The following WBP1L variants were observed in gnomAD, a reference collection of about 807,000 sequenced individuals.
WBP1L encodes the protein WW domain binding protein 1-like.
Under a neutral mutation model 33.7 loss-of-function variants are expected in WBP1L, and 17 were observed. The ratio of observed to expected loss-of-function variants is 0.50; its 90% CI spans 0.34 to 0.76. WBP1L has a LOEUF of 0.76. WBP1L is among the 30% of genes least tolerant of loss of function. The pLI, the probability that WBP1L is intolerant of heterozygous loss-of-function variation, is 0.01. For missense variants in WBP1L, 389 were observed against 469.4 expected (o/e 0.83, Z 1.58); for synonymous variants, 173 against 190.8 (o/e 0.91, Z 0.77).
chr10:102,756,946 G>A (rs540125321), intron 1 of WBP1L, among the ~76,000 whole-genome samples: 1 of 151,980 alleles, frequency 6.6e-6, no homozygotes, highest in South Asian at 2.1e-4. Flanking sequence ...GGAGTGCAGT[G>A]GCACAATCTC....
Position 102,813,372 on chromosome 10 carries a change from A to C in WBP1L, c.*41A>C. The C allele has an allele frequency of 6.4e-7, 1 of 1,556,102 alleles. No individual in the cohort carries two copies. The highest frequency in any genetic ancestry group is 1.4e-5 in the African/African-American group (1 of 73,358). ...CACCCAGCAACTTGGCAAAGCAACC[A>C]GGGTAGGGGAGAACCACGAGAGAAG... On this transcript the variant is annotated 3_prime_UTR_variant, in exon 4 of 4. Transcript: ENST00000448841.
At chr10:102,787,637 A>G (rs1770261417) in intron 1 of WBP1L, among the ~76,000 whole-genome samples, 2 of 152,080 alleles carry the variant, frequency 1.3e-5, no homozygotes, top group Admixed American at 1.3e-4. Flanking sequence ...CATGGGAAGC[A>G]ATAGGCCAGG....
chr10:102,791,625 C>G lies in WBP1L; in HGVS notation c.91-6368C>G, dbSNP rs565165420. ...ACCAGCCTGGGCAACATGAGGAGACCCTGTCTCTATTTAAACAAACAAAAA... is the reference window on the plus strand; with the variant it reads ...ACCAGCCTGGGCAACATGAGGAGACGCTGTCTCTATTTAAACAAACAAAAA... On this transcript the variant is annotated intron_variant, in intron 1 of 3. Coordinates refer to ENST00000448841, the MANE Select transcript of WBP1L (RefSeq NM_001083913.2). Among the ~76,000 whole-genome samples the G allele has an allele frequency of 4.6e-5, 7 of 152,236 alleles. No individual in the cohort carries two copies. The East Asian group carries it at 1.3e-3, about 29-fold the overall frequency.
rs575803887 is a variant in WBP1L at position 102,763,885 on chromosome 10, C to T, written c.90+19742C>T. Among the ~76,000 whole-genome samples the T allele has an allele frequency of 1.9e-4, 29 of 152,304 alleles. No individual in the cohort carries two copies. The South Asian group carries it at 5.6e-3, about 29-fold the overall frequency. ...CTGGAGTGCAGTGGCGCGATCTCGA[C>T]TCACTGCAACCTCTGCCTCCCAGAT... On this transcript the variant is annotated intron_variant, in intron 1 of 3. Coordinates refer to ENST00000448841, the MANE Select transcript of WBP1L (RefSeq NM_001083913.2).
chr10:102,797,108 G>A (rs1236413236), intron 1 of WBP1L, among the ~76,000 whole-genome samples: 1 of 152,206 alleles, frequency 6.6e-6, no homozygotes, highest in Non-Finnish European at 1.5e-5. Context: ...TATCTGAGCA[G>A]TTCGGCCCTT....
In WBP1L at chr10:102,813,260, G is replaced by T. The variant is rs284859; in HGVS notation, c.1021G>T (p.Ala341Ser). 0.18 allele frequency: 290,018 copies of T among 1,612,604 alleles called. 28,355 individuals carry two copies. Among genetic ancestry groups the T allele is most frequent in the Admixed American group, 0.29 (17,181 of 59,936 alleles). The change falls in exon 4 of 4, where the codon GCA (alanine) becomes TCA (serine). Residue 341 changes from alanine (A) to serine (S), a missense_variant. By Grantham distance (99) the Ala-to-Ser change is moderately conservative (BLOSUM62 1). Coordinates refer to ENST00000448841, the MANE Select transcript of WBP1L (RefSeq NM_001083913.2). ...GCACCCGCACCTGCCACGGCCGCCC[G>T]CATGCCTGCTGCTGAACACCATCAA... ...PGHPHLPRPP[A>S]CLLLNTINEQ...
chr10:102,765,465 C>T (rs758824250), intron 1 of WBP1L, among the ~76,000 whole-genome samples: 1 of 152,134 alleles, frequency 6.6e-6, no homozygotes, highest in Admixed American at 6.6e-5. Flanking sequence ...AACTCCTGGG[C>T]TCAAGTGATC....
chr10:102,776,357 G>T (rs764389235), intron 1 of WBP1L: 2 of 1,614,022 alleles, frequency 1.2e-6, no homozygotes, highest in Non-Finnish European at 1.7e-6. Context: ...AGAGCCCTTT[G>T]TTCCAACGTT....
intron 1 of WBP1L, among the ~76,000 whole-genome samples, chr10:102,754,354 T>C (rs1842950386): frequency 6.6e-6 from 1 of 152,238 alleles, no homozygotes; most frequent in Admixed American, 6.5e-5. Flanking sequence ...CTTTCCATTT[T>C]TCTTCCTTAG....
chr10:102,769,786 G>A (rs1367187228), intron 1 of WBP1L, among the ~76,000 whole-genome samples: 2 of 152,308 alleles, frequency 1.3e-5, no homozygotes, highest in East Asian at 3.9e-4. Flanking sequence ...TTCCCTCTCT[G>A]AAATACATGA....
At chr10:102,746,196 G>C (rs1842862726) in intron 1 of WBP1L, 1 of 983,522 alleles carries the variant, frequency 1.0e-6, no homozygotes, top group South Asian at 4.7e-5. Flanking sequence ...TGTGGAAGGG[G>C]ATTGTTAATG....
intron 2 of WBP1L, among the ~76,000 whole-genome samples, chr10:102,803,514 G>A (rs1016945404): frequency 6.6e-6 from 1 of 152,024 alleles, no homozygotes; most frequent in Non-Finnish European, 1.5e-5. Context: ...TTCAAAACTT[G>A]TCTTTGAGGA....
At chr10:102,768,094 G>A (rs937887002) in intron 1 of WBP1L, among the ~76,000 whole-genome samples, 2 of 152,056 alleles carry the variant, frequency 1.3e-5, no homozygotes, top group African/African-American at 2.4e-5. Context: ...TTTTTGAGAC[G>A]AATTCTTGCT....
intron 1 of WBP1L, among the ~76,000 whole-genome samples, chr10:102,769,285 T>G (rs7897384): frequency 0.72 from 109,705 of 151,958 alleles, 39,885 homozygotes; most frequent in East Asian, 0.9. Context: ...TTGATAAAAT[T>G]TTCTTTGAAA....
intron 1 of WBP1L, among the ~76,000 whole-genome samples, chr10:102,780,691 G>A (rs1843323251): frequency 6.6e-6 from 1 of 152,192 alleles, no homozygotes; most frequent in Admixed American, 6.5e-5. Flanking sequence ...TCTGCAGGTG[G>A]TAGCAAATGA....
chr10:102,785,903 C>T (rs1041830112), intron 1 of WBP1L, among the ~76,000 whole-genome samples: 2 of 152,190 alleles, frequency 1.3e-5, no homozygotes, highest in African/African-American at 4.8e-5. Flanking sequence ...GGTCCAGTGC[C>T]TCTGTAGCCT....
Position 102,772,707 on chromosome 10 carries a change from C to T in WBP1L, c.91-25286C>T, listed in dbSNP as rs889972569. Among the ~76,000 whole-genome samples, 4 of 150,186 alleles carry T rather than the reference C, an allele frequency of 2.7e-5. 1 individual carries two copies. The highest frequency in any genetic ancestry group is 5.0e-5 in the African/African-American group (2 of 40,222). ...ACCTCAGCTTCCCGAGTAGCTGAGACAACAGGCATGTGCCACCATGCCCAG... is the reference window on the plus strand; with the variant it reads ...ACCTCAGCTTCCCGAGTAGCTGAGATAACAGGCATGTGCCACCATGCCCAG... On this transcript the variant is annotated intron_variant, in intron 1 of 3. Transcript: ENST00000448841.
chr10:102,772,170 G>A (rs1258326249), intron 1 of WBP1L, among the ~76,000 whole-genome samples: 2 of 151,668 alleles, frequency 1.3e-5, no homozygotes, highest in Admixed American at 1.3e-4. Flanking sequence ...ATGTTAGCCA[G>A]GATGGTCTTG....
intron 1 of WBP1L, chr10:102,746,016 C>G (rs1842860392): frequency 3.0e-6 from 1 of 332,064 alleles, no homozygotes; most frequent in African/African-American, 2.2e-5. Context: ...CTCGAAAAGG[C>G]TGTCCCCAGT....
Sources: gnomAD v4.1 joint callset for allele counts (sites outside exome capture counted in the v4.1 genomes callset) on GRCh38, gnomAD v4.1.1 for gene constraint, MANE v1.5 for transcripts, NCBI Gene and HGNC (gene_info 2026-07-23, HGNC 2026-07-21) for gene names.